The following IGF2R variants were observed in gnomAD, a reference collection of about 807,000 sequenced individuals.
IGF2R encodes cation-independent mannose-6-phosphate receptor.
Under a neutral mutation model 270.6 loss-of-function variants are expected in IGF2R, and 91 were observed. The observed-to-expected ratio is 0.34, with a 90% CI of 0.28 to 0.40. The LOEUF (loss-of-function observed/expected upper bound fraction) is 0.40. IGF2R is among the 10% of genes least tolerant of loss of function. IGF2R has a pLI of 1.00. For synonymous variants in IGF2R, 1,316 were observed against 1,258.9 expected, an observed-to-expected ratio of 1.05 and a Z score of -0.96; for missense variants, 2,805 against 3,188.3, an observed-to-expected ratio of 0.88 and a Z score of 2.90.
rs567853736 is a variant in IGF2R, at chr6:160,048,437, A to G, written c.2408A>G (p.His803Arg). The G allele has an allele frequency of 4.2e-5, 67 of 1,614,238 alleles. No individual in the cohort carries two copies. The South Asian group carries it at 7.4e-4, about 18-fold the overall frequency. Residue 803 changes from histidine to arginine, a missense_variant, in exon 18 of 48, where the codon CAT becomes CGT. Coordinates refer to ENST00000356956, the MANE Select transcript of IGF2R (RefSeq NM_000876.4). ...NWYAMDNSGE[H>R]VTWRKYYINV... is the part of the protein sequence containing the mutation. ...TATGCCATGGACAACTCAGGGGAAC[A>G]TGTCACGTGGAGGAAATACTACATT...
At chr6:160,027,411 G>C (rs1271620244) in intron 6 of IGF2R, 97 bp downstream of exon 6, 43 of 1,363,328 alleles carry the variant, frequency 3.2e-5, no homozygotes, top group Non-Finnish European at 4.1e-5. Context: ...GCAAGGCTTG[G>C]GATAGTCCCT....
chr6:159,991,256 T>C lies in IGF2R; in HGVS notation c.222T>C (p.Ile74=). 6.2e-7 allele frequency: 1 copy of C among 1,614,018 alleles called. No homozygotes were observed. Among genetic ancestry groups the C allele is most frequent in the South Asian group, 1.1e-5 (1 of 91,072 alleles). The change falls in exon 2 of 48, where the codon ATT becomes ATC. Residue 74 remains isoleucine (I), a synonymous_variant. Coordinates refer to ENST00000356956, the MANE Select transcript of IGF2R (RefSeq NM_000876.4). ...YKINICGSVD[I]VQCGPSSAVC... ...TCAACATCTGTGGAAGTGTGGATAT[T>C]GTCCAGTGCGGGCCATCAAGTGCTG...
rs17847643 is a variant in IGF2R, at chr6:160,068,578, C to G, written c.4252+193C>G. Among the ~76,000 whole-genome samples the G allele has an allele frequency of 1.7e-4, 26 of 151,770 alleles. No homozygotes were observed. In the East Asian group the frequency reaches 3.5e-3, roughly 20 times the overall value. On this transcript the variant is annotated intron_variant, in intron 30 of 47. Coordinates refer to ENST00000356956, the MANE Select transcript of IGF2R (RefSeq NM_000876.4). ...CAGGCCAGCACTGGTGAGAGAGGTC[C>G]TCCTCGTGGGGTGGTGGTTGTAGTG...
chr6:160,072,702 G>C (rs8191885), intron 32 of IGF2R, 63 bp from the exon 33 acceptor site: 4 of 1,600,828 alleles, frequency 2.5e-6, no homozygotes, highest in Non-Finnish European at 2.6e-6. Flanking sequence ...GCTCGCCGAT[G>C]ATGAGCCTCC....
At chr6:159,969,869 C>T (rs1047897666) in intron 1 of IGF2R, among the ~76,000 whole-genome samples, 8 of 152,124 alleles carry the variant, frequency 5.3e-5, no homozygotes, top group Non-Finnish European at 1.2e-4. Context: ...CAGGAATGGT[C>T]CTGGAGTTGA....
chr6:159,977,562 A>G (rs1172786276), intron 1 of IGF2R, among the ~76,000 whole-genome samples: 3 of 152,078 alleles, frequency 2.0e-5, no homozygotes, highest in African/African-American at 7.2e-5. Context: ...GAGACGGGGG[A>G]TCTGGATTGT....
At chr6:160,065,408 G>A (rs1189092120) in intron 29 of IGF2R, among the ~76,000 whole-genome samples, 1 of 152,124 alleles carries the variant, frequency 6.6e-6, no homozygotes, top group Non-Finnish European at 1.5e-5. Flanking sequence ...CTTTCCTGGG[G>A]GAAAGTGCAG....
intron 2 of IGF2R, among the ~76,000 whole-genome samples, chr6:159,996,191 CG>C (rs1160840911): frequency 6.6e-6 from 1 of 152,136 alleles, no homozygotes; most frequent in East Asian, 1.9e-4. Context: ...CCGTCTCCCG[CG>C]GGGCCTGGAA....
intron 22 of IGF2R, 82 bp from the exon 23 acceptor site, chr6:160,060,465 T>G: frequency 7.2e-7 from 1 of 1,381,470 alleles, no homozygotes; most frequent in Non-Finnish European, 1.0e-6. Context: ...GTGGCAGCCT[T>G]GTCCTGTTGC....
chr6:160,030,758 GA>G (rs1451193775), intron 7 of IGF2R, among the ~76,000 whole-genome samples: 1 of 151,644 alleles, frequency 6.6e-6, no homozygotes, highest in African/African-American at 2.4e-5. Flanking sequence ...GAAGGGGTAT[GA>G]GGCATTTCTT....
At chr6:160,096,134 C>T (rs1238413247) in intron 44 of IGF2R, 2 of 242,402 alleles carry the variant, frequency 8.3e-6, no homozygotes, top group Non-Finnish European at 1.6e-5. Context: ...GGCTGTACAG[C>T]AGACTGTTTT....
intron 29 of IGF2R, among the ~76,000 whole-genome samples, chr6:160,066,754 T>C (rs997118879): frequency 2.0e-5 from 3 of 152,218 alleles, no homozygotes; most frequent in Non-Finnish European, 2.9e-5. Flanking sequence ...TGTGCTGTTC[T>C]CCTCTCCTCT....
intron 2 of IGF2R, among the ~76,000 whole-genome samples, chr6:160,000,020 A>G (rs576603258): frequency 6.6e-6 from 1 of 152,250 alleles, no homozygotes; most frequent in African/African-American, 2.4e-5. Context: ...TTGCCAATGT[A>G]CTATTAGGAT....
intron 10 of IGF2R, among the ~76,000 whole-genome samples, chr6:160,038,541 C>A (rs149107714): frequency 6.6e-6 from 1 of 152,118 alleles, no homozygotes; most frequent in African/African-American, 2.4e-5. Flanking sequence ...TAAACTTACA[C>A]GTTTTTCTTC....
At position 160,102,638 on chromosome 6, in the gene IGF2R, T is replaced by C. The variant is rs1268183351; in HGVS notation, c.6962T>C (p.Leu2321Pro). 1 of 1,611,376 alleles carries C rather than the reference T, an allele frequency of 6.2e-7. No individual in the cohort carries two copies. ...CTGCTGGTGGCGCTCACCTGCTGCCTGCTGGCCCTGTTGCTCTACAAGAAG... is the reference window on the plus strand; with the variant it reads ...CTGCTGGTGGCGCTCACCTGCTGCCCGCTGGCCCTGTTGCTCTACAAGAAG... ...SLLLVALTCC[L>P]LALLLYKKER... Residue 2321 changes from leucine to proline, a missense_variant, in exon 46 of 48, where the codon CTG becomes CCG. By Grantham distance (98) the Leu-to-Pro change is moderately conservative. This residue lies in a region of IGF2R where 1,851 missense variants were observed against 2,207.2 expected (regional missense o/e 0.84). Transcript: ENST00000356956. The surrounding 1 kb of genome is among the most constrained non-coding windows in gnomAD (Gnocchi z 4.5).
chr6:160,054,547 G>A lies in IGF2R; in HGVS notation c.2695-1877G>A, dbSNP rs149753908. Among the ~76,000 whole-genome samples, 35 of 152,286 alleles carry A rather than the reference G, an allele frequency of 2.3e-4. No individual in the cohort carries two copies. In the East Asian group the frequency reaches 6.8e-3, roughly 29 times the overall value. The stretch of plus-strand genomic sequence containing the variant: ...ACCAGCAGCAGAGTCTTTCAAAAGG[G>A]TCGGCTTCTGTTTAGCACTTAGGGA... On this transcript the variant is annotated intron_variant, in intron 19 of 47. Transcript: ENST00000356956.
intron 9 of IGF2R, 56 bp downstream of exon 9, chr6:160,033,163 G>A (rs1006690131): frequency 2.2e-6 from 3 of 1,362,642 alleles, no homozygotes; most frequent in Non-Finnish European, 3.1e-6. Flanking sequence ...TTGAGATAGG[G>A]TTGCACTCTG....
chr6:160,068,116 C>T, intron 29 of IGF2R, 133 bp from the exon 30 acceptor site: 1 of 734,070 alleles, frequency 1.4e-6, no homozygotes, highest in Admixed American at 2.5e-5. Context: ...GTGACAGAGA[C>T]AGAGAGAAGT....
At chr6:159,980,242 A>AGGAAG (rs1554234715) in intron 1 of IGF2R, among the ~76,000 whole-genome samples, 2 of 145,034 alleles carry the variant, frequency 1.4e-5, no homozygotes, top group African/African-American at 5.1e-5. Context: ...AAAGAAAGGT[A>AGGAAG]CATGGAAGAT....
Sources: allele counts gnomAD v4.1 joint callset (sites outside exome capture counted in the v4.1 genomes callset), GRCh38; gene constraint gnomAD v4.1.1; regional missense constraint gnomAD v4.1.1; non-coding constraint Gnocchi (gnomAD v3.1); transcripts MANE v1.5; gene names NCBI Gene and HGNC (gene_info 2026-07-23, HGNC 2026-07-21).